The following NUGGC variants were observed in gnomAD, a reference collection of about 807,000 sequenced individuals.
NUGGC encodes nuclear GTPase SLIP-GC.
A neutral mutation model predicts 92.6 loss-of-function variants in NUGGC; 58 were observed. The ratio of observed to expected loss-of-function variants is 0.63; its 90% CI spans 0.51 to 0.78. The LOEUF (loss-of-function observed/expected upper bound fraction) is 0.78, where lower values mean the gene tolerates loss of function less well. Ranked by LOEUF, NUGGC falls within the 30% of genes least tolerant of loss-of-function variation. The probability of loss-of-function intolerance (pLI) is 0.00; values close to 1 mark genes in which losing one functional copy is unlikely to be tolerated. For missense variants in NUGGC, 925 were observed against 964.6 expected (o/e 0.96, Z 0.54); for synonymous variants, 376 against 366.4 (o/e 1.03, Z -0.30).
At position 28,069,648 on chromosome 8, in the gene NUGGC, T is replaced by C. The variant is rs559471700; in HGVS notation, c.153A>G (p.Glu51=). 3 of 1,587,014 alleles carry C rather than the reference T, an allele frequency of 1.9e-6. No homozygotes were observed. Among genetic ancestry groups the C allele is most frequent in the African/African-American group, 2.7e-5 (2 of 74,416 alleles). ...SMEQSALKEY[E]KLESRTRRVL... ...CCCTTCTGGTCCGTGATTCCAATTT[T>C]TCATCTGGAATTAACAGAGAGATGT... The change falls in exon 4 of 19, where the codon GAA becomes GAG. Residue 51 remains glutamate (E), a synonymous_variant. Coordinates refer to ENST00000413272, the MANE Select transcript of NUGGC (RefSeq NM_001010906.2).
chr8:28,038,737 C>T (rs766272585), intron 13 of NUGGC, among the ~76,000 whole-genome samples: 14 of 152,132 alleles, frequency 9.2e-5, no homozygotes, highest in Non-Finnish European at 2.1e-4. Flanking sequence ...TTGCTGCAAT[C>T]GTTTGCTGAG....
chr8:28,074,262 A>C (rs1810664780), intron 2 of NUGGC, 106 bp downstream of exon 2: 3 of 783,882 alleles, frequency 3.8e-6, no homozygotes, highest in Non-Finnish European at 6.7e-6. Context: ...ATAAAGAGTA[A>C]GGAACAATGA....
chr8:28,030,210 C>T (rs1007152116), intron 16 of NUGGC, 100 bp downstream of exon 16: 3 of 701,086 alleles, frequency 4.3e-6, no homozygotes, highest in Non-Finnish European at 7.8e-6. Flanking sequence ...TCTTAGGGTG[C>T]AAGAGAACAG....
Position 28,029,418 on chromosome 8 carries a change from G to A in NUGGC, c.2018-16C>T, listed in dbSNP as rs1216912324. 1 of 1,610,946 alleles carries A rather than the reference G, an allele frequency of 6.2e-7. No individual in the cohort carries two copies. The highest frequency in any genetic ancestry group is 8.5e-7 in the Non-Finnish European group (1 of 1,178,580). On this transcript the variant is annotated splice_polypyrimidine_tract_variant and intron_variant, in intron 16 of 18. Coordinates refer to ENST00000413272, the MANE Select transcript of NUGGC (RefSeq NM_001010906.2). ...TGAGCTGCCTCTGGCAAAAATGATA[G>A]CCACAGTCACACCAAGACAAGGACC...
intron 1 of NUGGC, among the ~76,000 whole-genome samples, chr8:28,076,624 C>A (rs899554013): frequency 1.3e-5 from 2 of 152,032 alleles, no homozygotes; most frequent in Admixed American, 6.6e-5. Context: ...ATGTTAGAGT[C>A]CTTGATTGAA....
At chr8:28,063,019 G>C (rs1171626254) in intron 7 of NUGGC, among the ~76,000 whole-genome samples, 1 of 151,914 alleles carries the variant, frequency 6.6e-6, no homozygotes, top group East Asian at 1.9e-4. Context: ...ATGGGACTTA[G>C]AGGAGTTCAG....
Position 28,070,261 on chromosome 8 carries a change from G to C in NUGGC, c.139C>G (p.Leu47Val), listed in dbSNP as rs369590529. The C allele has an allele frequency of 1.3e-6, 2 of 1,550,056 alleles. No homozygotes were observed. Among genetic ancestry groups the C allele is most frequent in the Non-Finnish European group, 8.7e-7 (1 of 1,144,002 alleles). Residue 47 changes from leucine to valine, a missense_variant, in exon 3 of 19, where the codon CTT (leucine) becomes GTT (valine). Leu to Val is a conservative substitution (Grantham distance 32, BLOSUM62 1). Transcript: ENST00000413272. ...RAFPSMEQSA[L>V]KEYEKLESRT... ...GTTCCAAGACACTCACATTCCTTAA[G>C]AGCACTCTGCTCCATGGAGGGAAAT...
chr8:28,030,619 C>G (rs1408669441), intron 15 of NUGGC, among the ~76,000 whole-genome samples: 2 of 152,166 alleles, frequency 1.3e-5, no homozygotes, highest in Admixed American at 6.5e-5. Context: ...CAAGTGCTTC[C>G]CATGGTGCCT....
chr8:28,042,027 T>A (rs1809712490), intron 12 of NUGGC, among the ~76,000 whole-genome samples: 1 of 152,144 alleles, frequency 6.6e-6, no homozygotes. Flanking sequence ...CTCATGGTAG[T>A]GAATGAGTCT....
chr8:28,055,256 AAATAAT>A (rs1184821336), intron 10 of NUGGC, among the ~76,000 whole-genome samples: 1 of 152,096 alleles, frequency 6.6e-6, no homozygotes, highest in Non-Finnish European at 1.5e-5. Flanking sequence ...AAGTCTCAAA[AAATAAT>A]AATAATAAAA....
intron 14 of NUGGC, among the ~76,000 whole-genome samples, chr8:28,032,500 A>G (rs1482881957): frequency 6.6e-6 from 1 of 151,608 alleles, no homozygotes; most frequent in Non-Finnish European, 1.5e-5. Context: ...GGCAGATCAC[A>G]AGGTCAGGAG....
chr8:28,048,482 C>T (rs748212423), intron 10 of NUGGC, among the ~76,000 whole-genome samples: 51 of 152,194 alleles, frequency 3.4e-4, no homozygotes, highest in African/African-American at 1.0e-3. Flanking sequence ...ACAAGCGCAA[C>T]GCAACACAAA....
intron 1 of NUGGC, among the ~76,000 whole-genome samples, chr8:28,077,699 C>T (rs1810757660): frequency 6.6e-6 from 1 of 152,080 alleles, no homozygotes; most frequent in South Asian, 2.1e-4. Context: ...GCACTGGAAG[C>T]AAAACAAAAT....
At chr8:28,082,013 T>C (rs1213718908) in intron 1 of NUGGC, among the ~76,000 whole-genome samples, 1 of 152,220 alleles carries the variant, frequency 6.6e-6, no homozygotes, top group Non-Finnish European at 1.5e-5. Flanking sequence ...TTTATTTCCT[T>C]TCTCTTTGAG....
Position 28,041,221 on chromosome 8 carries a change from G to C in NUGGC, c.1447-6C>G, listed in dbSNP as rs370477426. 4 of 1,606,104 alleles carry C rather than the reference G, an allele frequency of 2.5e-6. No homozygotes were observed. In the African/African-American group the frequency reaches 4.0e-5, roughly 16 times the overall value. Reference sequence around the variant, plus strand: ...CTCATGTGCAAGTGTTCATTCTAGGGACAAGGACCATAAAAGAATCAGGCC... The same window carrying C: ...CTCATGTGCAAGTGTTCATTCTAGGCACAAGGACCATAAAAGAATCAGGCC... On this transcript the variant is annotated splice_polypyrimidine_tract_variant and splice_region_variant and intron_variant, in intron 12 of 18. Transcript: ENST00000413272.
rs757092406 is a variant in NUGGC at position 28,033,590 on chromosome 8, G to C, written c.1719C>G (p.Leu573=). 1.9e-6 allele frequency: 3 copies of C among 1,613,890 alleles called. No homozygotes were observed. Among genetic ancestry groups the C allele is most frequent in the Non-Finnish European group, 2.5e-6 (3 of 1,179,882 alleles). ...TLARIDLNEA[L]TQPVYDQIDP... ...CGATCTGGTCATAGACGGGCTGAGT[G>C]AGGGCTTCATTTAGATCAATTCTCG... Residue 573 remains leucine (L), a synonymous_variant, in exon 14 of 19, where the codon CTC becomes CTG. Transcript: ENST00000413272.
intron 13 of NUGGC, among the ~76,000 whole-genome samples, chr8:28,039,234 A>AT (rs201712679): frequency 0.019 from 2,662 of 142,454 alleles, 21 homozygotes; most frequent in African/African-American, 0.024. Context: ...ACTTATCTAG[A>AT]TTTTTTTTTT....
intron 1 of NUGGC, 89 bp from the exon 2 acceptor site, chr8:28,074,545 G>C (rs571709724): frequency 1.2e-5 from 10 of 800,102 alleles, no homozygotes; most frequent in East Asian, 8.0e-5. Context: ...CTGCTTGTGC[G>C]GTATTTCTGC....
At chr8:28,035,331 C>T (rs1809528096) in intron 13 of NUGGC, among the ~76,000 whole-genome samples, 1 of 152,178 alleles carries the variant, frequency 6.6e-6, no homozygotes, top group Non-Finnish European at 1.5e-5. Context: ...ACAGTAAACG[C>T]CTGTCATCTC....
Sources: allele counts gnomAD v4.1 joint callset (sites outside exome capture counted in the v4.1 genomes callset), GRCh38; gene constraint gnomAD v4.1.1; transcripts MANE v1.5; gene names NCBI Gene and HGNC (gene_info 2026-07-23, HGNC 2026-07-21).